Variants in AGBL4 observed in about 807,000 individuals in gnomAD.
AGBL4 encodes the protein AGBL carboxypeptidase 4, also known as cytosolic carboxypeptidase 6.
In AGBL4, 58 loss-of-function variants were observed where a neutral mutation model predicts 66.4. The observed-to-expected ratio is 0.87, with a 90% CI of 0.71 to 1.09. The LOEUF is 1.09. Among genes scored for constraint, AGBL4 ranks in the 50% least tolerant of loss-of-function variants. The pLI is 0.00. For synonymous variants in AGBL4, 234 were observed against 222.9 expected (o/e 1.05, Z -0.44); for missense variants, 579 against 631.0 (o/e 0.92, Z 0.88).
At chr1:49,584,193 C>A (rs1033314826) in intron 3 of AGBL4, among the ~76,000 whole-genome samples, 2 of 152,122 alleles carry the variant, frequency 1.3e-5, no homozygotes, top group African/African-American at 4.8e-5. Context: ...CTAGGGACCC[C>A]CTCTCCCAAT....
intron 4 of AGBL4, among the ~76,000 whole-genome samples, chr1:49,209,604 G>C (rs354155): frequency 0.13 from 19,308 of 152,108 alleles, 1,388 homozygotes; most frequent in East Asian, 0.31. Context: ...AATGGTGAAG[G>C]CTTGATCAGA....
chr1:48,764,132 T>A (rs1644413314), intron 6 of AGBL4, among the ~76,000 whole-genome samples: 1 of 152,118 alleles, frequency 6.6e-6, no homozygotes, highest in Non-Finnish European at 1.5e-5. Flanking sequence ...AATGCTGAAT[T>A]TGAATAAGGG....
intron 3 of AGBL4, among the ~76,000 whole-genome samples, chr1:49,569,341 A>T (rs184302331): frequency 8.6e-4 from 131 of 152,232 alleles, no homozygotes; most frequent in African/African-American, 3.1e-3. Flanking sequence ...ATTGTCAATA[A>T]TAATTATACA....
chr1:49,112,595 C>T (rs887716434), intron 4 of AGBL4, among the ~76,000 whole-genome samples: 2 of 152,214 alleles, frequency 1.3e-5, no homozygotes, highest in Non-Finnish European at 1.5e-5. Context: ...AACCCTGCCA[C>T]TGCTTTAATA....
At chr1:49,623,450 CT>C (rs1268971194) in intron 3 of AGBL4, among the ~76,000 whole-genome samples, 1 of 152,196 alleles carries the variant, frequency 6.6e-6, no homozygotes, top group African/African-American at 2.4e-5. Context: ...GATGCTTCTT[CT>C]TTCCTGGCAT....
At chr1:49,236,829 C>A (rs1249192726) in intron 4 of AGBL4, among the ~76,000 whole-genome samples, 1 of 152,006 alleles carries the variant, frequency 6.6e-6, no homozygotes, top group African/African-American at 2.4e-5. Context: ...GGTTGTGTCC[C>A]CACTCAAATC....
chr1:49,157,841 C>T (rs1646463800), intron 4 of AGBL4, among the ~76,000 whole-genome samples: 1 of 152,102 alleles, frequency 6.6e-6, no homozygotes, highest in East Asian at 1.9e-4. Context: ...TGATGATGAG[C>T]TTTTTTTCAT....
intron 11 of AGBL4, chr1:48,584,645 G>GCT (rs1644790808): frequency 3.3e-5 from 5 of 152,490 alleles, no homozygotes; most frequent in Admixed American, 3.3e-4. Context: ...GAACCCAGGA[G>GCT]GCAGAAGTTG....
At chr1:49,850,769 T>C (rs1260336229) in intron 2 of AGBL4, among the ~76,000 whole-genome samples, 1 of 152,106 alleles carries the variant, frequency 6.6e-6, no homozygotes. Flanking sequence ...AAAATTATGT[T>C]TACCTTTCTC....
intron 1 of AGBL4, among the ~76,000 whole-genome samples, chr1:49,867,170 G>A (rs1348941092): frequency 1.3e-5 from 2 of 151,958 alleles, no homozygotes; most frequent in African/African-American, 2.4e-5. Context: ...GTCTGCCAGC[G>A]AGTTTTCCTG....
chr1:49,303,272 C>T (rs1465470332), intron 3 of AGBL4, among the ~76,000 whole-genome samples: 1 of 152,012 alleles, frequency 6.6e-6, no homozygotes, highest in Non-Finnish European at 1.5e-5. Flanking sequence ...TTTACATTCC[C>T]ACCAACAGTG....
At chr1:48,941,890 A>G (rs1307446684) in intron 5 of AGBL4, among the ~76,000 whole-genome samples, 1 of 152,206 alleles carries the variant, frequency 6.6e-6, no homozygotes, top group Non-Finnish European at 1.5e-5. Flanking sequence ...TGTATCATAC[A>G]AAGTCAGGAC....
intron 9 of AGBL4, among the ~76,000 whole-genome samples, chr1:48,628,781 C>G (rs185142464): frequency 2.0e-5 from 3 of 152,046 alleles, no homozygotes; most frequent in Non-Finnish European, 2.9e-5. Flanking sequence ...TCCAAAGGAC[C>G]AGTACAAATG....
intron 7 of AGBL4, among the ~76,000 whole-genome samples, chr1:48,660,563 A>G (rs1250778566): frequency 6.6e-6 from 1 of 152,226 alleles, no homozygotes; most frequent in Non-Finnish European, 1.5e-5. Context: ...GGCTGTCTAC[A>G]TGTAGCTGAG....
intron 3 of AGBL4, among the ~76,000 whole-genome samples, chr1:49,663,352 T>C (rs1558144787): frequency 6.6e-6 from 1 of 152,148 alleles, no homozygotes; most frequent in Non-Finnish European, 1.5e-5. Context: ...TGTGAATAGA[T>C]GTGATGTGTG....
At chr1:48,715,805 T>C (rs959870520) in intron 6 of AGBL4, among the ~76,000 whole-genome samples, 3 of 152,174 alleles carry the variant, frequency 2.0e-5, no homozygotes, top group African/African-American at 7.2e-5. Flanking sequence ...CTGGTGAAAT[T>C]ATGCATTGCA....
intron 2 of AGBL4, among the ~76,000 whole-genome samples, chr1:49,770,531 TAA>T (rs1282166365): frequency 6.6e-6 from 1 of 152,172 alleles, no homozygotes; most frequent in Non-Finnish European, 1.5e-5. Flanking sequence ...GCTGACCTTT[TAA>T]AAAGAGTTTG....
At chr1:48,572,199 T>C (rs1004166234) in intron 11 of AGBL4, among the ~76,000 whole-genome samples, 1 of 152,016 alleles carries the variant, frequency 6.6e-6, no homozygotes, top group Non-Finnish European at 1.5e-5. Context: ...GAGGCCACTG[T>C]AAAAGGCACT....
intron 3 of AGBL4, among the ~76,000 whole-genome samples, chr1:49,254,231 G>A (rs6677300): frequency 0.3 from 46,192 of 151,896 alleles, 7,852 homozygotes; most frequent in East Asian, 0.7. Context: ...CCATCTATCC[G>A]TGTTTCTAGA....
Sources: allele counts gnomAD v4.1 joint callset (sites outside exome capture counted in the v4.1 genomes callset), GRCh38; gene constraint gnomAD v4.1.1; transcripts MANE v1.5; gene names NCBI Gene and HGNC (gene_info 2026-07-23, HGNC 2026-07-21).